Variants in RSC1A1 observed in about 807,000 individuals in gnomAD.
RSC1A1 encodes regulator of solute carriers 1.
A neutral mutation model predicts 7.7 loss-of-function variants in RSC1A1; 6 were observed. The observed-to-expected ratio is 0.78, with a 90% CI of 0.43 to 1.53. The LOEUF (loss-of-function observed/expected upper bound fraction) is 1.53. RSC1A1 is among the 40% of genes most tolerant of loss of function. The probability of loss-of-function intolerance (pLI) is 0.01; values close to 1 mark genes in which losing one functional copy is unlikely to be tolerated. For missense variants in RSC1A1, 729 were observed against 726.3 expected, an observed-to-expected ratio of 1.00 and a Z score of -0.04; for synonymous variants, 250 against 263.0, an observed-to-expected ratio of 0.95 and a Z score of 0.48.
Position 15,660,528 on chromosome 1 carries a change from G to A in RSC1A1, c.660G>A (p.Gly220=). 6.2e-7 allele frequency: 1 copy of A among 1,613,244 alleles called. No homozygotes were observed. The highest frequency in any genetic ancestry group is 8.5e-7 in the Non-Finnish European group (1 of 1,179,816). ...TGGAAGCTACGATGAAAGGAAATGG[G>A]CTCCCACAGAATGTGGATCCTCCAA... The part of the protein sequence containing the change: ...VDLEATMKGN[G]LPQNVDPPSA... The change falls in exon 1 of 1, where the codon GGG becomes GGA. Residue 220 remains glycine, a synonymous_variant. Coordinates refer to ENST00000345034, the MANE Select transcript of RSC1A1 (RefSeq NM_006511.3).
In RSC1A1 at chr1:15,660,647, C is replaced by A. The variant is rs1468536562; in HGVS notation, c.779C>A (p.Thr260Asn). ...EIDTAQQSLV[T>N]LLNSTGRQNA... is the part of the protein sequence containing the mutation. Reference sequence around the variant, plus strand: ...GATACAGCTCAACAGTCCCTAGTTACTTTGCTTAATTCAACAGGCAGGCAG... The same window carrying A: ...GATACAGCTCAACAGTCCCTAGTTAATTTGCTTAATTCAACAGGCAGGCAG... Residue 260 changes from threonine to asparagine, a missense_variant, in exon 1 of 1, where the codon ACT becomes AAT. Coordinates refer to ENST00000345034, the MANE Select transcript of RSC1A1 (RefSeq NM_006511.3). 5 of 1,614,212 alleles carry A rather than the reference C, an allele frequency of 3.1e-6. No individual in the cohort carries two copies. Among genetic ancestry groups the A allele is most frequent in the Non-Finnish European group, 4.2e-6 (5 of 1,180,042 alleles).
rs1640355144 is a variant in RSC1A1 at position 15,660,631 on chromosome 1, C to A, written c.763C>A (p.Gln255Lys). The A allele has an allele frequency of 1.9e-6, 3 of 1,614,040 alleles. No individual in the cohort carries two copies. The highest frequency in any genetic ancestry group is 2.5e-6 in the Non-Finnish European group (3 of 1,180,040). Residue 255 changes from glutamine (Q) to lysine (K), a missense_variant, in exon 1 of 1, where the codon CAA becomes AAA. Gln to Lys is a moderately conservative substitution (Grantham distance 53). Coordinates refer to ENST00000345034, the MANE Select transcript of RSC1A1 (RefSeq NM_006511.3). ...AACATTTATGGAAATCGATACAGCT[C>A]AACAGTCCCTAGTTACTTTGCTTAA... ...SETFMEIDTA[Q>K]QSLVTLLNST...
At position 15,661,766 on chromosome 1, in the gene RSC1A1, A is replaced by C. The variant is rs369452442; in HGVS notation, c.*44A>C. Reference sequence around the variant, plus strand: ...GACCGTTCTCCATTCCCTTTAAACAAAAGAAAGCTCTCTCTATATACACGC... The same window carrying C: ...GACCGTTCTCCATTCCCTTTAAACACAAGAAAGCTCTCTCTATATACACGC... On this transcript the variant is annotated 3_prime_UTR_variant, in exon 1 of 1. Transcript: ENST00000345034. 6.5e-7 allele frequency: 1 copy of C among 1,547,822 alleles called. No homozygotes were observed. Among genetic ancestry groups the C allele is most frequent in the East Asian group, 2.3e-5 (1 of 44,360 alleles).
Position 15,660,502 on chromosome 1 carries a change from T to G in RSC1A1, c.634T>G (p.Leu212Val). The change falls in exon 1 of 1, where the codon TTG becomes GTG. Residue 212 changes from leucine to valine, a missense_variant. Physicochemically the swap from Leu to Val is conservative, Grantham distance 32 (BLOSUM62 1). Transcript: ENST00000345034. ...ACAGAATCAACACAAAATTGTTGATTTGGAAGCTACGATGAAAGGAAATGG... is the reference window on the plus strand; with the variant it reads ...ACAGAATCAACACAAAATTGTTGATGTGGAAGCTACGATGAAAGGAAATGG... The part of the protein sequence containing the change: ...RQQNQHKIVD[L>V]EATMKGNGLP... 6.2e-7 allele frequency: 1 copy of G among 1,613,878 alleles called. No homozygotes were observed. Among genetic ancestry groups the G allele is most frequent in the South Asian group, 1.1e-5 (1 of 90,990 alleles).
chr1:15,661,851 C>G lies in RSC1A1; in HGVS notation c.*129C>G. ...AGAAACCTGCAAGCAGAATGTTGAG[C>G]CAGATTTTTTTTAAAGATTTTTTTC... On this transcript the variant is annotated 3_prime_UTR_variant, in exon 1 of 1. Transcript: ENST00000345034. The G allele has an allele frequency of 7.9e-7, 1 of 1,258,234 alleles. No individual in the cohort carries two copies. Among genetic ancestry groups the G allele is most frequent in the South Asian group, 2.6e-5 (1 of 37,874 alleles). The allele number at this position is 1,258,234 out of a possible 1,614,324, so 77.9% of individuals were successfully genotyped here.
At position 15,660,344 on chromosome 1, in the gene RSC1A1, T is replaced by C; in HGVS notation, c.476T>C (p.Leu159Pro). Residue 159 changes from leucine to proline, a missense_variant, in exon 1 of 1, where the codon CTG (leucine) becomes CCG (proline). By Grantham distance (98) the Leu-to-Pro change is moderately conservative (BLOSUM62 -3). Transcript: ENST00000345034. ...GATTGGCATCCAGAAAATCAGAACCTGAGTCAAGTGAGTGACCCTCAGCAG... is the reference window on the plus strand; with the variant it reads ...GATTGGCATCCAGAAAATCAGAACCCGAGTCAAGTGAGTGACCCTCAGCAG... ...EKDWHPENQN[L>P]SQVSDPQQHE... 1 of 1,614,144 alleles carries C rather than the reference T, an allele frequency of 6.2e-7. No individual in the cohort carries two copies. Among genetic ancestry groups the C allele is most frequent in the Non-Finnish European group, 8.5e-7 (1 of 1,180,032 alleles).
chr1:15,661,752 A>G lies in RSC1A1; in HGVS notation c.*30A>G. The G allele has an allele frequency of 1.9e-6, 3 of 1,567,146 alleles. No homozygotes were observed. The highest frequency in any genetic ancestry group is 8.6e-7 in the Non-Finnish European group (1 of 1,157,652). On this transcript the variant is annotated 3_prime_UTR_variant, in exon 1 of 1. Coordinates refer to ENST00000345034, the MANE Select transcript of RSC1A1 (RefSeq NM_006511.3). Reference sequence around the variant, plus strand: ...GGGAAAGTGGGCTAGACCGTTCTCCATTCCCTTTAAACAAAAGAAAGCTCT... The same window carrying G: ...GGGAAAGTGGGCTAGACCGTTCTCCGTTCCCTTTAAACAAAAGAAAGCTCT...
At position 15,661,358 on chromosome 1, in the gene RSC1A1, T is replaced by C. The variant is rs751615042; in HGVS notation, c.1490T>C (p.Leu497Ser). The C allele has an allele frequency of 1.9e-5, 30 of 1,614,022 alleles. No individual in the cohort carries two copies. The highest frequency in any genetic ancestry group is 3.3e-5 in the Admixed American group (2 of 60,002). Residue 497 changes from leucine (L) to serine (S), a missense_variant, in exon 1 of 1, where the codon TTA becomes TCA. Physicochemically the swap from Leu to Ser is moderately radical, Grantham distance 145. Coordinates refer to ENST00000345034, the MANE Select transcript of RSC1A1 (RefSeq NM_006511.3). ...GGTGTAGAAATTTCACCCAAACTTTTAGCAGGTGAGGAGGATGCACTCAAT... is the reference window on the plus strand; with the variant it reads ...GGTGTAGAAATTTCACCCAAACTTTCAGCAGGTGAGGAGGATGCACTCAAT... The part of the protein sequence containing the change: ...TLGVEISPKL[L>S]AGEEDALNQT...
rs1557625256 is a variant in RSC1A1, at chr1:15,660,020, A to T, written c.152A>T (p.Lys51Ile). The T allele has an allele frequency of 6.2e-7, 1 of 1,614,126 alleles. No homozygotes were observed. The highest frequency in any genetic ancestry group is 1.6e-4 in the Middle Eastern group (1 of 6,062). ...AGTGACTCAGATCGCATTGAACCTA[A>T]AGCTGTGAAGGCTTTGAAGGCTTCA... ...KPSDSDRIEP[K>I]AVKALKASAE... The change falls in exon 1 of 1, where the codon AAA becomes ATA. Residue 51 changes from lysine (K) to isoleucine (I), a missense_variant. Transcript: ENST00000345034.
In RSC1A1 at chr1:15,661,322, A is replaced by G. The variant is rs1410515220; in HGVS notation, c.1454A>G (p.His485Arg). 1.2e-6 allele frequency: 2 copies of G among 1,614,088 alleles called. No individual in the cohort carries two copies. Among genetic ancestry groups the G allele is most frequent in the East Asian group, 2.2e-5 (1 of 44,876 alleles). Residue 485 changes from histidine (H) to arginine (R), a missense_variant, in exon 1 of 1, where the codon CAC (histidine) becomes CGC (arginine). By Grantham distance (29) the His-to-Arg change is conservative. Coordinates refer to ENST00000345034, the MANE Select transcript of RSC1A1 (RefSeq NM_006511.3). ...VTSAKTSNQL[H>R]CTLGVEISPK... The stretch of plus-strand genomic sequence containing the variant: ...TCAGCTAAAACATCCAATCAGTTAC[A>G]CTGCACCTTAGGTGTAGAAATTTCA...
chr1:15,659,766 A>G lies in RSC1A1; in HGVS notation c.-103A>G, dbSNP rs557469493. The stretch of plus-strand genomic sequence containing the variant: ...TTTATTCTACGCTGTTTAGATTTGT[A>G]TCCTCTGGTAATTTAGTGGCATTAG... On this transcript the variant is annotated 5_prime_UTR_variant, in exon 1 of 1. Transcript: ENST00000345034. The G allele has an allele frequency of 2.3e-4, 333 of 1,439,108 alleles. No homozygotes were observed. Among genetic ancestry groups the G allele is most frequent in the South Asian group, 1.6e-3 (103 of 65,338 alleles). 89.1% of individuals were successfully genotyped at this position (1,439,108 alleles called of 1,614,324 possible).
Position 15,660,815 on chromosome 1 carries a change from A to T in RSC1A1, c.947A>T (p.Asn316Ile). 1 of 1,614,150 alleles carries T rather than the reference A, an allele frequency of 6.2e-7. No individual in the cohort carries two copies. The highest frequency in any genetic ancestry group is 1.1e-5 in the South Asian group (1 of 91,066). ...STQDLQPPET[N>I]VEIPGTNKEY... is the part of the protein sequence containing the mutation. ...CAGGATTTACAGCCCCCAGAAACTAATGTTGAAATACCTGGAACAAATAAA... is the reference window on the plus strand; with the variant it reads ...CAGGATTTACAGCCCCCAGAAACTATTGTTGAAATACCTGGAACAAATAAA... The change falls in exon 1 of 1, where the codon AAT (asparagine) becomes ATT (isoleucine). Residue 316 changes from asparagine (N) to isoleucine (I), a missense_variant. Transcript: ENST00000345034.
At position 15,661,233 on chromosome 1, in the gene RSC1A1, C is replaced by T. The variant is rs777034689; in HGVS notation, c.1365C>T (p.Thr455=). The change falls in exon 1 of 1, where the codon ACC becomes ACT. Residue 455 remains threonine (T), a synonymous_variant. Coordinates refer to ENST00000345034, the MANE Select transcript of RSC1A1 (RefSeq NM_006511.3). ...NFRSLGDGLS[T]DKEGVPKSRE... is the part of the protein sequence containing the mutation. ...GGAGTCTAGGTGATGGCCTGTCAAC[C>T]GATAAGGAAGGTGTCCCCAAATCTA... 23 of 1,613,982 alleles carry T rather than the reference C, an allele frequency of 1.4e-5. No homozygotes were observed. The highest frequency in any genetic ancestry group is 4.0e-5 in the African/African-American group (3 of 74,908).
rs1229565522 is a variant in RSC1A1, at chr1:15,661,239, G to A, written c.1371G>A (p.Lys457=). ...RSLGDGLSTD[K]EGVPKSRESI... ...TAGGTGATGGCCTGTCAACCGATAA[G>A]GAAGGTGTCCCCAAATCTAGGGAAT... Residue 457 remains lysine, a synonymous_variant, in exon 1 of 1, where the codon AAG becomes AAA. Transcript: ENST00000345034. The A allele has an allele frequency of 1.2e-6, 2 of 1,614,006 alleles. No homozygotes were observed. The highest frequency in any genetic ancestry group is 1.3e-5 in the African/African-American group (1 of 74,930).
At position 15,660,040 on chromosome 1, in the gene RSC1A1, G is replaced by C; in HGVS notation, c.172G>C (p.Ala58Pro). ...ACCTAAAGCTGTGAAGGCTTTGAAGGCTTCAGCTGAATTCCAGCTAAACTC... is the reference window on the plus strand; with the variant it reads ...ACCTAAAGCTGTGAAGGCTTTGAAGCCTTCAGCTGAATTCCAGCTAAACTC... The part of the protein sequence containing the change: ...IEPKAVKALK[A>P]SAEFQLNSEK... Residue 58 changes from alanine (A) to proline (P), a missense_variant, in exon 1 of 1, where the codon GCT (alanine) becomes CCT (proline). Ala to Pro is a conservative substitution (Grantham distance 27). Coordinates refer to ENST00000345034, the MANE Select transcript of RSC1A1 (RefSeq NM_006511.3). 1 of 1,614,002 alleles carries C rather than the reference G, an allele frequency of 6.2e-7. No homozygotes were observed. Among genetic ancestry groups the C allele is most frequent in the Non-Finnish European group, 8.5e-7 (1 of 1,179,990 alleles).
Position 15,660,712 on chromosome 1 carries a change from T to C in RSC1A1, c.844T>C (p.Leu282=), listed in dbSNP as rs1640356906. ...GAACATTGGTGCATTGGATCTCACT[T>C]TAGATAATCCCTTGATGGAAGTAGA... ...VKNIGALDLT[L]DNPLMEVETS... is the part of the protein sequence containing the mutation. Residue 282 remains leucine, a synonymous_variant, in exon 1 of 1, where the codon TTA becomes CTA. Coordinates refer to ENST00000345034, the MANE Select transcript of RSC1A1 (RefSeq NM_006511.3). 1.9e-6 allele frequency: 3 copies of C among 1,613,922 alleles called. No homozygotes were observed. Among genetic ancestry groups the C allele is most frequent in the Non-Finnish European group, 2.5e-6 (3 of 1,179,972 alleles).
rs1327786485 is a variant in RSC1A1 at position 15,660,190 on chromosome 1, G to A, written c.322G>A (p.Gly108Ser). The change falls in exon 1 of 1, where the codon GGT becomes AGT. Residue 108 changes from glycine to serine, a missense_variant. By Grantham distance (56) the Gly-to-Ser change is moderately conservative. Coordinates refer to ENST00000345034, the MANE Select transcript of RSC1A1 (RefSeq NM_006511.3). ...QNSSEEITVA[G>S]NLEKSAERST... ...TTCATCCGAAGAAATAACTGTTGCA[G>A]GTAATCTGGAGAAATCTGCTGAAAG... The A allele has an allele frequency of 6.2e-7, 1 of 1,614,180 alleles. No homozygotes were observed.
At position 15,660,713 on chromosome 1, in the gene RSC1A1, T is replaced by C. The variant is rs956002258; in HGVS notation, c.845T>C (p.Leu282Ser). The change falls in exon 1 of 1, where the codon TTA becomes TCA. Residue 282 changes from leucine to serine, a missense_variant. Physicochemically the swap from Leu to Ser is moderately radical, Grantham distance 145 (BLOSUM62 -2). Coordinates refer to ENST00000345034, the MANE Select transcript of RSC1A1 (RefSeq NM_006511.3). ...AACATTGGTGCATTGGATCTCACTTTAGATAATCCCTTGATGGAAGTAGAA... is the reference window on the plus strand; with the variant it reads ...AACATTGGTGCATTGGATCTCACTTCAGATAATCCCTTGATGGAAGTAGAA... ...VKNIGALDLT[L>S]DNPLMEVETS... The C allele has an allele frequency of 7.4e-6, 12 of 1,613,822 alleles. No individual in the cohort carries two copies. In the African/African-American group the frequency reaches 1.5e-4, roughly 20 times the overall value.
At position 15,661,855 on chromosome 1, in the gene RSC1A1, A is replaced by AT. The variant is rs58186615; in HGVS notation, c.*141dup. ...ACCTGCAAGCAGAATGTTGAGCCAG[A>AT]TTTTTTTTAAAGATTTTTTTCGGCC... On this transcript the variant is annotated 3_prime_UTR_variant, in exon 1 of 1. Coordinates refer to ENST00000345034, the MANE Select transcript of RSC1A1 (RefSeq NM_006511.3). 4.5e-5 allele frequency: 57 copies of AT among 1,253,258 alleles called. No individual in the cohort carries two copies. Among genetic ancestry groups the AT allele is most frequent in the East Asian group, 5.7e-5 (2 of 35,362 alleles). The allele number at this position is 1,253,258 out of a possible 1,614,324, so 77.6% of individuals were successfully genotyped here. A position where few individuals can be genotyped will look rare whatever the true frequency, so the allele number is the denominator to read the frequency against.
Sources: gnomAD v4.1 joint callset for allele counts on GRCh38, gnomAD v4.1.1 for gene constraint, MANE v1.5 for transcripts, NCBI Gene and HGNC (gene_info 2026-07-23, HGNC 2026-07-21) for gene names.